The following FNTB variants were observed in gnomAD, a reference collection of about 807,000 sequenced individuals.
FNTB encodes the protein farnesyltransferase, CAAX box, subunit beta.
A neutral mutation model predicts 59.4 loss-of-function variants in FNTB; 27 were observed. The ratio of observed to expected loss-of-function variants is 0.45; its 90% CI spans 0.34 to 0.63. The LOEUF (loss-of-function observed/expected upper bound fraction) is 0.63. Ranked by LOEUF, FNTB falls within the 20% of genes least tolerant of loss-of-function variation. FNTB has a pLI of 0.02. For synonymous variants in FNTB, 230 were observed against 220.7 expected (o/e 1.04, Z -0.37); for missense variants, 449 against 559.6 (o/e 0.80, Z 1.99).
At position 65,062,536 on chromosome 14, in the gene FNTB, G is replaced by A. The variant is rs972321625; in HGVS notation, c.*1224G>A. On this transcript the variant is annotated 3_prime_UTR_variant, in exon 12 of 12. Transcript: ENST00000246166. This position sits in a 1 kb window ranked among gnomAD's most constrained non-coding sequence, Gnocchi z 4.3. Reference sequence around the variant, plus strand: ...GGCTGCGGGCAGACAGGAGCTCAGAGATGCAGCATGAGGCGCTTAGAAAAA... The same window carrying A: ...GGCTGCGGGCAGACAGGAGCTCAGAAATGCAGCATGAGGCGCTTAGAAAAA... 1 of 152,702 alleles carries A rather than the reference G, an allele frequency of 6.5e-6. No individual in the cohort carries two copies. The highest frequency in any genetic ancestry group is 2.4e-5 in the African/African-American group (1 of 41,470). 9.5% of individuals were successfully genotyped at this position (152,702 alleles called of 1,614,324 possible). A position where few individuals can be genotyped will look rare whatever the true frequency, so the allele number is the denominator to read the frequency against.
intron 2 of FNTB, among the ~76,000 whole-genome samples, chr14:65,006,802 A>C (rs1252812922): frequency 1.3e-5 from 2 of 152,220 alleles, no homozygotes; most frequent in Non-Finnish European, 2.9e-5. Flanking sequence ...GAGCTGAAGA[A>C]AGACTTTTAT....
chr14:64,989,756 A>C (rs1268657624), intron 1 of FNTB, among the ~76,000 whole-genome samples: 1 of 152,248 alleles, frequency 6.6e-6, no homozygotes, highest in African/African-American at 2.4e-5. Flanking sequence ...GACACTCGGC[A>C]TAAGTTGTTA....
chr14:65,016,337 A>C lies in FNTB; in HGVS notation c.374+621A>C, dbSNP rs542558319. On this transcript the variant is annotated intron_variant, in intron 4 of 11. Transcript: ENST00000246166. ...CATTCCCAGACACTCATCACCATTT[A>C]TATATTAAAGAAGAAAAGACTGATC... 3.9e-5 allele frequency among the ~76,000 whole-genome samples: 6 copies of C among 152,322 alleles called. 1 individual carries two copies. The South Asian group carries it at 1.2e-3, about 32-fold the overall frequency.
rs117920206 is a variant in FNTB at position 65,055,243 on chromosome 14, G to T, written c.1182+554G>T. 4.7e-3 allele frequency among the ~76,000 whole-genome samples: 711 copies of T among 152,320 alleles called. 4 individuals carry two copies. The highest frequency in any genetic ancestry group is 6.9e-3 in the Non-Finnish European group (470 of 68,030). On this transcript the variant is annotated intron_variant, in intron 11 of 11. Coordinates refer to ENST00000246166, the MANE Select transcript of FNTB (RefSeq NM_002028.4). ...AAAAACAATAGCCCTATGAGGGCAG[G>T]ATGCTCACTGCTGCAGCCAGCTGAG... is the stretch of plus-strand genomic sequence containing the variant.
rs940534229 is a variant in FNTB, at chr14:65,030,384, C to A, written c.606-2226C>A. ...AGGATCATAATGCATGCAGCTTCTG[C>A]AGAGACTTCTTTGGAATACCTCAGT... On this transcript the variant is annotated intron_variant, in intron 6 of 11. Coordinates refer to ENST00000246166, the MANE Select transcript of FNTB (RefSeq NM_002028.4). This position sits in a 1 kb window ranked among gnomAD's most constrained non-coding sequence, Gnocchi z 4.5. Among the ~76,000 whole-genome samples, 1 of 152,192 alleles carries A rather than the reference C, an allele frequency of 6.6e-6. No homozygotes were observed. Among genetic ancestry groups the A allele is most frequent in the Non-Finnish European group, 1.5e-5 (1 of 68,040 alleles).
chr14:64,996,398 T>G (rs1246145931), intron 1 of FNTB, among the ~76,000 whole-genome samples: 1 of 152,200 alleles, frequency 6.6e-6, no homozygotes, highest in Non-Finnish European at 1.5e-5. Context: ...TTGGGTTCCC[T>G]TTTTGCCATA....
At position 65,030,464 on chromosome 14, in the gene FNTB, G is replaced by A. The variant is rs1029025522; in HGVS notation, c.606-2146G>A. Among the ~76,000 whole-genome samples the A allele has an allele frequency of 1.3e-5, 2 of 152,118 alleles. No homozygotes were observed. The highest frequency in any genetic ancestry group is 2.9e-5 in the Non-Finnish European group (2 of 68,022). On this transcript the variant is annotated intron_variant, in intron 6 of 11. Transcript: ENST00000246166. This position sits in a 1 kb window ranked among gnomAD's most constrained non-coding sequence, Gnocchi z 4.5. The stretch of plus-strand genomic sequence containing the variant: ...AGTAAGATGGAAACCAGGGCCGAGC[G>A]GCAGTGGCTCATGTCTGTAATCTCA...
chr14:65,015,810 A>T, intron 4 of FNTB, 94 bp downstream of exon 4: 1 of 1,392,102 alleles, frequency 7.2e-7, no homozygotes, highest in Non-Finnish European at 1.0e-6. Flanking sequence ...TTTGGAATGG[A>T]AAAAAACAGT....
At chr14:65,010,955 A>G (rs1424843909) in intron 2 of FNTB, among the ~76,000 whole-genome samples, 1 of 152,106 alleles carries the variant, frequency 6.6e-6, no homozygotes, top group East Asian at 1.9e-4. Flanking sequence ...TGCCAGGGCC[A>G]CTCATCGCAC....
rs2061928413 is a variant in FNTB at position 65,023,718 on chromosome 14, C to G, written c.375-3735C>G. Among the ~76,000 whole-genome samples, 1 of 152,024 alleles carries G rather than the reference C, an allele frequency of 6.6e-6. No homozygotes were observed. The highest frequency in any genetic ancestry group is 1.5e-5 in the Non-Finnish European group (1 of 67,970). ...AATTGCCTCATGTGGCTAGTGGCTG[C>G]CTATTGGACAGCACAGATGTATCTC... On this transcript the variant is annotated intron_variant, in intron 4 of 11. Transcript: ENST00000246166. This position sits in a 1 kb window ranked among gnomAD's most constrained non-coding sequence, Gnocchi z 4.1.
Position 64,987,023 on chromosome 14 carries a change from T to G in FNTB, c.70T>G (p.Tyr24Asp). Residue 24 changes from tyrosine (Y) to aspartate (D), a missense_variant, in exon 1 of 12, where the codon TAC becomes GAC. Tyr to Asp is a radical substitution (Grantham distance 160). Coordinates refer to ENST00000246166, the MANE Select transcript of FNTB (RefSeq NM_002028.4). Reference sequence around the variant, plus strand: ...CTCCCCCGTCTGGTCAGAGCCGCTGTACAGTCTGAGGCCCGAGCACGCGCG... The same window carrying G: ...CTCCCCCGTCTGGTCAGAGCCGCTGGACAGTCTGAGGCCCGAGCACGCGCG... ...SSSPVWSEPL[Y>D]SLRPEHARER... is the part of the protein sequence containing the mutation. 2 of 1,614,228 alleles carry G rather than the reference T, an allele frequency of 1.2e-6. No individual in the cohort carries two copies. The highest frequency in any genetic ancestry group is 1.7e-6 in the Non-Finnish European group (2 of 1,180,044).
In FNTB at chr14:65,009,436, C is replaced by A. The variant is rs181105654; in HGVS notation, c.210-2881C>A. ...CGTGGCCACTCCACAGCTCTCCCAC[C>A]ATCTTGACTCCTAGTTCCTGAGAAA... is the stretch of plus-strand genomic sequence containing the variant. On this transcript the variant is annotated intron_variant, in intron 2 of 11. Transcript: ENST00000246166. This position sits in a 1 kb window ranked among gnomAD's most constrained non-coding sequence, Gnocchi z 4.2. Among the ~76,000 whole-genome samples the A allele has an allele frequency of 5.9e-4, 90 of 152,290 alleles. 1 individual carries two copies. Among genetic ancestry groups the A allele is most frequent in the Non-Finnish European group, 9.7e-4 (66 of 68,016 alleles).
At chr14:65,040,259 G>GTATATATATGTGTGTATA (rs2062315522) in intron 7 of FNTB, among the ~76,000 whole-genome samples, 4 of 144,986 alleles carry the variant, frequency 2.8e-5, no homozygotes, top group African/African-American at 1.0e-4. Context: ...ATATATATAT[G>GTATATATATGTGTGTATA]TATATATATG....
intron 7 of FNTB, among the ~76,000 whole-genome samples, chr14:65,037,945 A>G (rs1300888645): frequency 6.6e-6 from 1 of 151,220 alleles, no homozygotes; most frequent in African/African-American, 2.4e-5. Flanking sequence ...ACACCCAGCT[A>G]ATTTTTACGG....
In FNTB at chr14:65,044,490, C is replaced by G; in HGVS notation, c.955+47C>G. 1.3e-6 allele frequency: 2 copies of G among 1,572,176 alleles called. No homozygotes were observed. Among genetic ancestry groups the G allele is most frequent in the South Asian group, 2.4e-5 (2 of 84,280 alleles). On this transcript the variant is annotated intron_variant, in intron 9 of 11. Transcript: ENST00000246166. This position sits in a 1 kb window ranked among gnomAD's most constrained non-coding sequence, Gnocchi z 5.5. ...CTTGGGGCTGGATGATTTCCCTCCA[C>G]TACTCACAAAGTCTGGAAGCCCAGC... is the stretch of plus-strand genomic sequence containing the variant.
chr14:65,059,455 G>A (rs771879646), intron 11 of FNTB, among the ~76,000 whole-genome samples: 1 of 152,064 alleles, frequency 6.6e-6, no homozygotes, highest in Non-Finnish European at 1.5e-5. Flanking sequence ...ATGTGGGGGT[G>A]GCAGAATAAG....
intron 7 of FNTB, among the ~76,000 whole-genome samples, chr14:65,034,344 A>G (rs2062146123): frequency 6.6e-6 from 1 of 152,092 alleles, no homozygotes; most frequent in Non-Finnish European, 1.5e-5. Flanking sequence ...TCTTATTTTC[A>G]TGAAGTATTG....
chr14:65,015,583 G>A, intron 3 of FNTB, 42 bp from the exon 4 acceptor site: 2 of 1,609,250 alleles, frequency 1.2e-6, no homozygotes, highest in Non-Finnish European at 1.7e-6. Context: ...GTCTTGGAGT[G>A]ATTGTGAATA....
chr14:65,018,369 A>G (rs73268784), intron 4 of FNTB, among the ~76,000 whole-genome samples: 1,573 of 152,308 alleles, frequency 0.01, 25 homozygotes, highest in East Asian at 0.081. Flanking sequence ...GTTAAAATAT[A>G]TGTATTTATA....
Sources: gnomAD v4.1 joint callset for allele counts (sites outside exome capture counted in the v4.1 genomes callset) on GRCh38, gnomAD v4.1.1 for gene constraint, Gnocchi (gnomAD v3.1) non-coding constraint, MANE v1.5 for transcripts, NCBI Gene and HGNC (gene_info 2026-07-23, HGNC 2026-07-21) for gene names.